MFNG: variants seen among roughly 807,000 people sequenced by gnomAD.
MFNG encodes beta-1,3-N-acetylglucosaminyltransferase manic fringe.
MFNG carries 24 observed loss-of-function variants against 34.2 expected under a neutral mutation model. That is an observed-to-expected ratio of 0.70 (90% confidence interval 0.51 to 0.99). The LOEUF (loss-of-function observed/expected upper bound fraction) is 0.99, where lower values mean the gene tolerates loss of function less well. MFNG is among the 50% of genes least tolerant of loss of function. The pLI, the probability that MFNG is intolerant of heterozygous loss-of-function variation, is 0.00. For missense variants in MFNG, 383 were observed against 424.0 expected (o/e 0.90, Z 0.85); for synonymous variants, 158 against 179.2 (o/e 0.88, Z 0.94).
chr22:37,484,648 GGCCACGCTCCCGGGTACACAGAC>G (rs1157868301), intron 1 of MFNG: 1 of 152,296 alleles, frequency 6.6e-6, no homozygotes, highest in Non-Finnish European at 1.5e-5. Context: ...GGCCACGTGA[GGCCACGCTCCCGGGTACACAGAC>G]GCATAAACAG....
chr22:37,480,906 G>A (rs1358726385), intron 1 of MFNG, 137 bp from the exon 2 acceptor site: 16 of 724,024 alleles, frequency 2.2e-5, no homozygotes, highest in Middle Eastern at 2.4e-4. Flanking sequence ...ATGGTCACAC[G>A]CTCCTTTAGG....
In MFNG at chr22:37,472,513, CG is replaced by C; in HGVS notation, c.828del (p.Tyr276Ter). ...AQLPEQVTLS[Y>X]GVFEGKLNVI... ...ACGTTGAGTTTCCCCTCAAAGACACCGTAGCTGAGGGTGACCTGGGCAGGGA... is the reference window on the plus strand; with the variant it reads ...ACGTTGAGTTTCCCCTCAAAGACACCTAGCTGAGGGTGACCTGGGCAGGGA... On this transcript the variant is annotated frameshift_variant, in exon 7 of 8. Coordinates refer to ENST00000356998, the MANE Select transcript of MFNG (RefSeq NM_002405.4). LOFTEE classifies it high-confidence loss of function. The C allele has an allele frequency of 1.3e-6, 2 of 1,580,984 alleles. No individual in the cohort carries two copies. Among genetic ancestry groups the C allele is most frequent in the Non-Finnish European group, 1.7e-6 (2 of 1,166,480 alleles).
At chr22:37,477,167 A>AGTCACAT (rs2145731460) in intron 4 of MFNG, among the ~76,000 whole-genome samples, 186 bp from the exon 5 acceptor site, 1 of 152,370 alleles carries the variant, frequency 6.6e-6, no homozygotes, top group Non-Finnish European at 1.5e-5. Context: ...AGAGGCCCGA[A>AGTCACAT]GTCACATAGT....
Position 37,476,971 on chromosome 22 carries a change from T to A in MFNG, c.572A>T (p.Gln191Leu). The A allele has an allele frequency of 6.2e-7, 1 of 1,608,784 alleles. No homozygotes were observed. The highest frequency in any genetic ancestry group is 8.5e-7 in the Non-Finnish European group (1 of 1,176,660). ...PQPHNRTRLV[Q>L]FWFATGGAGF... is the part of the protein sequence containing the mutation. ...AGCACCCCCAGTGGCAAACCAGAAC[T>A]GTACCAGCCTCTGAGAGAGAGGAAG... The change falls in exon 5 of 8, where the codon CAG becomes CTG. Residue 191 changes from glutamine to leucine, a missense_variant. Coordinates refer to ENST00000356998, the MANE Select transcript of MFNG (RefSeq NM_002405.4).
chr22:37,486,322 C>T lies in MFNG; in HGVS notation c.-145G>A. The T allele has an allele frequency of 1.1e-6, 1 of 886,506 alleles. No individual in the cohort carries two copies. Among genetic ancestry groups the T allele is most frequent in the South Asian group, 2.4e-5 (1 of 41,862 alleles). The allele number at this position is 886,506 out of a possible 1,614,324, so 54.9% of individuals were successfully genotyped here. ...AGGAGGGAAGAGGTAGGAGCTGAGG[C>T]TCTGGACCCAGAGGCTGAGCCATGG... On this transcript the variant is annotated 5_prime_UTR_variant, in exon 1 of 8. Coordinates refer to ENST00000356998, the MANE Select transcript of MFNG (RefSeq NM_002405.4).
intron 7 of MFNG, among the ~76,000 whole-genome samples, chr22:37,470,525 C>T (rs935009287): frequency 6.6e-6 from 1 of 152,248 alleles, no homozygotes; most frequent in African/African-American, 2.4e-5. Flanking sequence ...ATAGCTACGG[C>T]TTACACACTG....
rs889233666 is a variant in MFNG at position 37,483,865 on chromosome 22, G to A, written c.255+2058C>T. Among the ~76,000 whole-genome samples, 1 of 152,216 alleles carries A rather than the reference G, an allele frequency of 6.6e-6. No individual in the cohort carries two copies. Among genetic ancestry groups the A allele is most frequent in the Non-Finnish European group, 1.5e-5 (1 of 68,036 alleles). ...AGGTCCAGAGGGGGCGGGGGCACAG[G>A]AGAGGGCAGTGAGGCTGGCGCTTTC... On this transcript the variant is annotated intron_variant, in intron 1 of 7. Transcript: ENST00000356998. This position sits in a 1 kb window ranked among gnomAD's most constrained non-coding sequence, Gnocchi z 4.5.
intron 7 of MFNG, among the ~76,000 whole-genome samples, chr22:37,470,874 G>C (rs766881347): frequency 6.6e-6 from 1 of 152,148 alleles, no homozygotes; most frequent in Non-Finnish European, 1.5e-5. Context: ...TTCCTACCTT[G>C]AGCAGGTCAA....
At chr22:37,477,744 C>A (rs1374807566) in intron 4 of MFNG, among the ~76,000 whole-genome samples, 1 of 152,184 alleles carries the variant, frequency 6.6e-6, no homozygotes, top group East Asian at 1.9e-4. Context: ...GCCACCGCGC[C>A]CGGCCTCAGA....
chr22:37,471,724 G>T (rs1020170965), intron 7 of MFNG, among the ~76,000 whole-genome samples: 67 of 151,924 alleles, frequency 4.4e-4, no homozygotes, highest in African/African-American at 1.6e-3. Context: ...CCAGCTATTC[G>T]GGAGGCTGAG....
rs149626095 is a variant in MFNG at position 37,471,355 on chromosome 22, C to T, written c.899+1088G>A. On this transcript the variant is annotated intron_variant, in intron 7 of 7. Transcript: ENST00000356998. ...GCTGCCCAGAGATGGAACAGACTGC[C>T]ACAGGAGGGAGGAACTCCCCATGGC... Among the ~76,000 whole-genome samples the T allele has an allele frequency of 1.7e-4, 26 of 152,344 alleles. 1 individual carries two copies. The highest frequency in any genetic ancestry group is 5.8e-4 in the African/African-American group (24 of 41,588).
rs989846071 is a variant in MFNG, at chr22:37,485,619, C to T, written c.255+304G>A. 7.2e-5 allele frequency among the ~76,000 whole-genome samples: 11 copies of T among 152,112 alleles called. No individual in the cohort carries two copies. Among genetic ancestry groups the T allele is most frequent in the Non-Finnish European group, 1.5e-4 (10 of 68,006 alleles). ...AGGAGCGAAGCCCCCACGGGAGCGG[C>T]TAGGAATAGAAGAACCCCCAGGAGG... On this transcript the variant is annotated intron_variant, in intron 1 of 7. Transcript: ENST00000356998. This position sits in a 1 kb window ranked among gnomAD's most constrained non-coding sequence, Gnocchi z 5.3.
At chr22:37,480,065 C>T in intron 3 of MFNG, 132 bp downstream of exon 3, 1 of 651,352 alleles carries the variant, frequency 1.5e-6, no homozygotes, top group Admixed American at 3.0e-5. Flanking sequence ...GACTGGAACC[C>T]AGCTGGACTT....
intron 4 of MFNG, 42 bp downstream of exon 4, chr22:37,479,303 G>T: frequency 6.6e-7 from 1 of 1,516,622 alleles, no homozygotes. Context: ...CGGCCCTTGG[G>T]ATCAGCGGGC....
intron 5 of MFNG, among the ~76,000 whole-genome samples, chr22:37,475,966 A>G (rs1247843964): frequency 6.6e-6 from 1 of 152,188 alleles, no homozygotes; most frequent in Non-Finnish European, 1.5e-5. Flanking sequence ...AGGCTTGGGT[A>G]GTAGCAAGGC....
intron 6 of MFNG, 50 bp from the exon 7 acceptor site, chr22:37,472,578 C>G (rs1569155766): frequency 2.0e-6 from 3 of 1,493,280 alleles, no homozygotes; most frequent in Non-Finnish European, 2.7e-6. Flanking sequence ...GGGATCCCCA[C>G]AAGGGGGCAG....
intron 7 of MFNG, among the ~76,000 whole-genome samples, chr22:37,470,830 C>T (rs575236261): frequency 3.5e-4 from 53 of 152,330 alleles, no homozygotes; most frequent in South Asian, 1.2e-3. Context: ...ACCATTCCCT[C>T]CTCTTCTCCA....
At position 37,482,485 on chromosome 22, in the gene MFNG, G is replaced by A. The variant is rs1028038777; in HGVS notation, c.256-1716C>T. Among the ~76,000 whole-genome samples, 11 of 151,382 alleles carry A rather than the reference G, an allele frequency of 7.3e-5. No homozygotes were observed. Among genetic ancestry groups the A allele is most frequent in the Non-Finnish European group, 5.9e-5 (4 of 67,852 alleles). ...TACACACACACACACACACACGCACGTGCGCACGCCTCTGAGCCTCTGCGC... is the reference window on the plus strand; with the variant it reads ...TACACACACACACACACACACGCACATGCGCACGCCTCTGAGCCTCTGCGC... On this transcript the variant is annotated intron_variant, in intron 1 of 7. Transcript: ENST00000356998. This position sits in a 1 kb window ranked among gnomAD's most constrained non-coding sequence, Gnocchi z 4.1.
Position 37,485,852 on chromosome 22 carries a change from C to T in MFNG, c.255+71G>A. On this transcript the variant is annotated intron_variant, in intron 1 of 7. Coordinates refer to ENST00000356998, the MANE Select transcript of MFNG (RefSeq NM_002405.4). The surrounding 1 kb of genome is among the most constrained non-coding windows in gnomAD (Gnocchi z 5.3). The stretch of plus-strand genomic sequence containing the variant: ...CATGAGGCAGTCAGGGACCCCAGCC[C>T]AGTAGAAAGGCCTCTGAGAACCCCT... 1.3e-6 allele frequency: 2 copies of T among 1,524,768 alleles called. No individual in the cohort carries two copies. The highest frequency in any genetic ancestry group is 1.8e-6 in the Non-Finnish European group (2 of 1,130,738). 94.5% of individuals were successfully genotyped at this position (1,524,768 alleles called of 1,614,324 possible).
Sources: allele counts gnomAD v4.1 joint callset (sites outside exome capture counted in the v4.1 genomes callset), GRCh38; gene constraint gnomAD v4.1.1; non-coding constraint Gnocchi (gnomAD v3.1); transcripts MANE v1.5; gene names NCBI Gene and HGNC (gene_info 2026-07-23, HGNC 2026-07-21).